Variants in SYN2 observed in about 807,000 individuals in gnomAD.
SYN2 encodes synapsin II, also known as synapsin-2.
Under a neutral mutation model 50.9 loss-of-function variants are expected in SYN2, and 19 were observed. That is an observed-to-expected ratio of 0.37 (90% CI 0.26 to 0.55). SYN2 has a LOEUF of 0.55. Ranked by LOEUF, SYN2 falls within the 20% of genes least tolerant of loss-of-function variation. The pLI, the probability that SYN2 is intolerant of heterozygous loss-of-function variation, is 0.81. For synonymous variants in SYN2, 255 were observed against 224.9 expected, an observed-to-expected ratio of 1.13 and a Z score of -1.20; for missense variants, 587 against 576.4, an observed-to-expected ratio of 1.02 and a Z score of -0.19.
chr3:12,074,021 T>A (rs1031399522), intron 1 of SYN2, among the ~76,000 whole-genome samples: 1 of 152,192 alleles, frequency 6.6e-6, no homozygotes, highest in African/African-American at 2.4e-5. Context: ...TTAGAAGCTA[T>A]GAATTAGGGC....
intron 1 of SYN2, among the ~76,000 whole-genome samples, chr3:12,047,273 A>G (rs898959725): frequency 5.3e-5 from 8 of 152,112 alleles, no homozygotes; most frequent in Admixed American, 6.5e-5. Context: ...GAAGGGATGG[A>G]GGAGAATATG....
intron 1 of SYN2, among the ~76,000 whole-genome samples, chr3:12,085,369 A>ACG (rs1302420459): frequency 2.0e-4 from 30 of 149,952 alleles, no homozygotes; most frequent in African/African-American, 6.1e-4. Flanking sequence ...ACACACACAC[A>ACG]CACACACACA....
intron 1 of SYN2, among the ~76,000 whole-genome samples, chr3:12,129,680 T>C (rs1696749448): frequency 6.6e-6 from 1 of 152,132 alleles, no homozygotes; most frequent in South Asian, 2.1e-4. Context: ...TTGTGTATTT[T>C]TGTGTGATAT....
chr3:12,132,469 A>G (rs1201937529), intron 1 of SYN2, among the ~76,000 whole-genome samples: 3 of 152,210 alleles, frequency 2.0e-5, no homozygotes, highest in Non-Finnish European at 4.4e-5. Flanking sequence ...GTGAGGATTA[A>G]TTTGGGTGAT....
At chr3:12,130,507 T>G (rs777437100) in intron 1 of SYN2, among the ~76,000 whole-genome samples, 3 of 152,134 alleles carry the variant, frequency 2.0e-5, no homozygotes, top group Non-Finnish European at 4.4e-5. Flanking sequence ...TAATCAGACC[T>G]TCAGTGGGTT....
At chr3:12,181,217 T>C (rs1472944198) in intron 10 of SYN2, among the ~76,000 whole-genome samples, 1 of 152,234 alleles carries the variant, frequency 6.6e-6, no homozygotes. Flanking sequence ...ATACCAATTC[T>C]CTGGGAGGAG....
At chr3:12,050,278 G>GT (rs1553610615) in intron 1 of SYN2, among the ~76,000 whole-genome samples, 1 of 151,372 alleles carries the variant, frequency 6.6e-6, no homozygotes, top group Non-Finnish European at 1.5e-5. Flanking sequence ...GAGTAAATCC[G>GT]TAAGTTACAC....
At chr3:12,144,815 G>T (rs1452559556) in intron 3 of SYN2, among the ~76,000 whole-genome samples, 2 of 152,234 alleles carry the variant, frequency 1.3e-5, no homozygotes, top group Non-Finnish European at 2.9e-5. Flanking sequence ...GAGGCCAGGA[G>T]TTCAAGACCA....
chr3:12,184,896 G>A, intron 11 of SYN2: 1 of 985,632 alleles, frequency 1.0e-6, no homozygotes, highest in Non-Finnish European at 1.2e-6. Context: ...AAGAAATGCT[G>A]CTGGCTCTAT....
At chr3:12,017,838 T>C (rs114473126) in intron 1 of SYN2, among the ~76,000 whole-genome samples, 2,488 of 152,294 alleles carry the variant, frequency 0.016, 62 homozygotes, top group African/African-American at 0.057. Flanking sequence ...AGAACAAACC[T>C]AGATGAATAT....
chr3:12,165,411 G>A (rs541281959), intron 7 of SYN2: 2 of 152,290 alleles, frequency 1.3e-5, no homozygotes, highest in Non-Finnish European at 2.9e-5. Flanking sequence ...TTGAAGTGAA[G>A]CCTTCTCAGA....
At chr3:12,051,342 A>G (rs1694858881) in intron 1 of SYN2, among the ~76,000 whole-genome samples, 1 of 148,336 alleles carries the variant, frequency 6.7e-6, no homozygotes, top group Admixed American at 6.8e-5. Flanking sequence ...TTGAAATGTA[A>G]AGCAGAGAGT....
intron 9 of SYN2, 110 bp downstream of exon 9, chr3:12,168,588 A>G: frequency 2.2e-6 from 2 of 906,022 alleles, no homozygotes; most frequent in Non-Finnish European, 3.5e-6. Flanking sequence ...TGTTCCAGCA[A>G]GATCAGTGGG....
In SYN2 at chr3:12,154,490, C is replaced by A. The variant is rs538487090; in HGVS notation, c.774+3164C>A. The stretch of plus-strand genomic sequence containing the variant: ...TGGAGGAGAGTCAAGCATCAGGATT[C>A]TTCTCCTGGAGCCCCAGGGGCCCAG... On this transcript the variant is annotated intron_variant, in intron 5 of 12. Coordinates refer to ENST00000621198, the MANE Select transcript of SYN2 (RefSeq NM_133625.6). The A allele has an allele frequency of 8.6e-5, 139 of 1,608,278 alleles. 4 individuals carry two copies. The South Asian group carries it at 1.5e-3, about 17-fold the overall frequency.
chr3:12,115,142 CAT>C (rs66822996), intron 1 of SYN2, among the ~76,000 whole-genome samples: 7,541 of 152,252 alleles, frequency 0.05, 205 homozygotes, highest in Non-Finnish European at 0.066. Context: ...AATCAGCAAA[CAT>C]GTGTTCTAGA....
At chr3:12,116,203 C>G (rs912432926) in intron 1 of SYN2, among the ~76,000 whole-genome samples, 2 of 152,176 alleles carry the variant, frequency 1.3e-5, no homozygotes, top group African/African-American at 4.8e-5. Context: ...TTCTGAACTC[C>G]TGCAAAGGAA....
chr3:12,035,598 C>T (rs757164189), intron 1 of SYN2, among the ~76,000 whole-genome samples: 47 of 152,118 alleles, frequency 3.1e-4, no homozygotes, highest in Non-Finnish European at 2.9e-4. Context: ...CATTGATATA[C>T]GGAGGCTATC....
chr3:12,188,413 C>T (rs1698386432), intron 12 of SYN2, among the ~76,000 whole-genome samples: 1 of 152,234 alleles, frequency 6.6e-6, no homozygotes, highest in Non-Finnish European at 1.5e-5. Flanking sequence ...TCTGTCACCA[C>T]CTTCAGCACA....
At chr3:12,083,814 A>G (rs1174393410) in intron 1 of SYN2, among the ~76,000 whole-genome samples, 2 of 152,136 alleles carry the variant, frequency 1.3e-5, no homozygotes, top group East Asian at 1.9e-4. Context: ...AGGAAAACCT[A>G]GTTTCTCCAT....
Sources: allele counts gnomAD v4.1 joint callset (sites outside exome capture counted in the v4.1 genomes callset), GRCh38; gene constraint gnomAD v4.1.1; transcripts MANE v1.5; gene names NCBI Gene and HGNC (gene_info 2026-07-23, HGNC 2026-07-21).